Variants in ENPP2 observed in about 807,000 individuals in gnomAD.
ENPP2 encodes autotaxin.
ENPP2 carries 51 observed loss-of-function variants against 120.2 expected under a neutral mutation model. That is an observed-to-expected ratio of 0.42 (90% CI 0.34 to 0.54). The LOEUF is 0.54. Ranked by LOEUF, ENPP2 falls within the 20% of genes least tolerant of loss-of-function variation. The pLI, the probability that ENPP2 is intolerant of heterozygous loss-of-function variation, is 0.04. For synonymous variants in ENPP2, 365 were observed against 366.4 expected (o/e 1.00, Z 0.04); for missense variants, 920 against 1,066.5 (o/e 0.86, Z 1.91).
intron 11 of ENPP2, among the ~76,000 whole-genome samples, chr8:119,599,373 T>C (rs1245818405): frequency 6.6e-6 from 1 of 151,828 alleles, no homozygotes; most frequent in East Asian, 1.9e-4. Context: ...TCAAAATACT[T>C]AAGTATTGTC....
At chr8:119,650,557 C>A (rs1277377330) in intron 1 of ENPP2, among the ~76,000 whole-genome samples, 1 of 152,116 alleles carries the variant, frequency 6.6e-6, no homozygotes, top group African/African-American at 2.4e-5. Flanking sequence ...CATCTGGATG[C>A]ACAGAAAAGG....
intron 1 of ENPP2, chr8:119,673,240 C>T (rs1238870564): frequency 6.5e-6 from 10 of 1,533,074 alleles, no homozygotes; most frequent in South Asian, 1.2e-5. Context: ...TAGAGAGAGG[C>T]GCATACCGTA....
At chr8:119,570,954 A>G (rs1814926659) in intron 19 of ENPP2, 113 bp from the exon 20 acceptor site, 5 of 554,958 alleles carry the variant, frequency 9.0e-6, no homozygotes, top group Non-Finnish European at 1.5e-5. Context: ...CTTATTATTA[A>G]TATAGCACCT....
At position 119,564,724 on chromosome 8, in the gene ENPP2, G is replaced by T. The variant is rs1025587638; in HGVS notation, c.2264+99C>A. On this transcript the variant is annotated intron_variant, in intron 23 of 24. Coordinates refer to ENST00000075322, the MANE Select transcript of ENPP2 (RefSeq NM_001040092.3). ...TATTGAAAAATTCAAAAAACTTAAG[G>T]GGTGTCATCTCTTCTCTAGTATATG... The T allele has an allele frequency of 1.2e-5, 10 of 832,382 alleles. No homozygotes were observed. The African/African-American group carries it at 1.2e-4, about 10-fold the overall frequency. 51.6% of individuals were successfully genotyped at this position (832,382 alleles called of 1,614,324 possible). A position where few individuals can be genotyped will look rare whatever the true frequency, so the allele number is the denominator to read the frequency against.
At chr8:119,591,017 C>T (rs11779231) in intron 12 of ENPP2, among the ~76,000 whole-genome samples, 1 of 68,488 alleles carries the variant, frequency 1.5e-5, no homozygotes, top group East Asian at 5.0e-4. Context: ...AAAAAAAAAA[C>T]CCTAGGTTGC....
chr8:119,617,670 C>T lies in ENPP2; in HGVS notation c.480-107G>A, dbSNP rs1265019404. ...AATAATTTCCAAGAAAAAATTTCAC[C>T]GGGCGTGATGGCTTACGCTTATAAT... On this transcript the variant is annotated intron_variant, in intron 5 of 24. Transcript: ENST00000075322. 6 of 777,752 alleles carry T rather than the reference C, an allele frequency of 7.7e-6. No individual in the cohort carries two copies. In the East Asian group the frequency reaches 8.1e-5, roughly 10 times the overall value. The allele number at this position is 777,752 out of a possible 1,614,324, so 48.2% of individuals were successfully genotyped here.
chr8:119,571,004 G>A, intron 19 of ENPP2, 163 bp from the exon 20 acceptor site: 2 of 438,392 alleles, frequency 4.6e-6, no homozygotes, highest in Non-Finnish European at 7.9e-6. Flanking sequence ...TAACACTTTT[G>A]TGGTTGATCT....
rs1563719221 is a variant in ENPP2 at position 119,601,467 on chromosome 8, A to C, written c.834-5T>G. ...CTCCGCTCGTGAGGGATGACACTGG[A>C]GGGTAAAAGCAAGCAAAGCATGTTG... On this transcript the variant is annotated splice_region_variant and splice_polypyrimidine_tract_variant and intron_variant, in intron 9 of 24. Coordinates refer to ENST00000075322, the MANE Select transcript of ENPP2 (RefSeq NM_001040092.3). 6.2e-7 allele frequency: 1 copy of C among 1,611,606 alleles called. No homozygotes were observed. The highest frequency in any genetic ancestry group is 8.5e-7 in the Non-Finnish European group (1 of 1,177,996).
At chr8:119,663,696 G>A (rs1817990213) in intron 1 of ENPP2, among the ~76,000 whole-genome samples, 1 of 152,148 alleles carries the variant, frequency 6.6e-6, no homozygotes, top group Non-Finnish European at 1.5e-5. Flanking sequence ...ACTCCCCTGT[G>A]TAGAAGCCAC....
At chr8:119,585,042 T>C (rs141925040) in intron 15 of ENPP2, among the ~76,000 whole-genome samples, 1 of 152,294 alleles carries the variant, frequency 6.6e-6, no homozygotes, top group African/African-American at 2.4e-5. Context: ...GTCATCATCT[T>C]TCACTTAACT....
chr8:119,628,055 T>A (rs1221041469), intron 2 of ENPP2, among the ~76,000 whole-genome samples: 1 of 151,456 alleles, frequency 6.6e-6, no homozygotes, highest in Non-Finnish European at 1.5e-5. Context: ...AAAAATAAAA[T>A]ATTTTAAAAT....
intron 24 of ENPP2, among the ~76,000 whole-genome samples, chr8:119,559,594 T>C (rs957194623): frequency 6.6e-6 from 1 of 152,238 alleles, no homozygotes; most frequent in African/African-American, 2.4e-5. Context: ...TCTGCCTTGA[T>C]GTTCGCTGGC....
intron 9 of ENPP2, among the ~76,000 whole-genome samples, chr8:119,607,602 G>A (rs1031982970): frequency 6.6e-6 from 1 of 151,844 alleles, no homozygotes; most frequent in Non-Finnish European, 1.5e-5. Context: ...TTGAACCCGG[G>A]AGGCAGAGGT....
At chr8:119,583,207 C>A (rs184324584) in intron 17 of ENPP2, among the ~76,000 whole-genome samples, 1 of 152,128 alleles carries the variant, frequency 6.6e-6, no homozygotes, top group African/African-American at 2.4e-5. Flanking sequence ...GGGAAAAGAA[C>A]CCAGGAGACC....
chr8:119,627,740 T>C (rs1214464664), intron 2 of ENPP2, among the ~76,000 whole-genome samples: 1 of 151,844 alleles, frequency 6.6e-6, no homozygotes, highest in African/African-American at 2.4e-5. Context: ...CAGGTGCCTG[T>C]AATATCAGCT....
At chr8:119,568,281 G>T (rs118151601) in intron 21 of ENPP2, 29 bp from the exon 22 acceptor site, 8 of 1,239,280 alleles carry the variant, frequency 6.5e-6, no homozygotes, top group Non-Finnish European at 8.1e-6. Flanking sequence ...AATAGTATAC[G>T]TTGCTTACCA....
In ENPP2 at chr8:119,589,586, AG is replaced by A. The variant is rs1284639673; in HGVS notation, c.1207+918del. Among the ~76,000 whole-genome samples the A allele has an allele frequency of 2.0e-5, 3 of 152,324 alleles. No individual in the cohort carries two copies. The East Asian group carries it at 5.8e-4, about 29-fold the overall frequency. ...TGCGAGGGCAGAAAAGGGAGGACAC[AG>A]GGACAGGAAAGGTCATGGAGGAGAG... On this transcript the variant is annotated intron_variant, in intron 13 of 24. Transcript: ENST00000075322.
chr8:119,598,525 A>G (rs1323975514), intron 11 of ENPP2, among the ~76,000 whole-genome samples: 1 of 152,218 alleles, frequency 6.6e-6, no homozygotes, highest in Non-Finnish European at 1.5e-5. Flanking sequence ...CCTACTCAGT[A>G]CTTTCAAAAA....
At chr8:119,590,180 A>G (rs1403342445) in intron 13 of ENPP2, among the ~76,000 whole-genome samples, 1 of 152,208 alleles carries the variant, frequency 6.6e-6, no homozygotes, top group Non-Finnish European at 1.5e-5. Flanking sequence ...ACTTCTGTTT[A>G]TGGTCATGAA....
Sources: allele counts gnomAD v4.1 joint callset (sites outside exome capture counted in the v4.1 genomes callset), GRCh38; gene constraint gnomAD v4.1.1; transcripts MANE v1.5; gene names NCBI Gene and HGNC (gene_info 2026-07-23, HGNC 2026-07-21).